TXLNA: variants seen among roughly 807,000 people sequenced by gnomAD.
The protein encoded by TXLNA is taxilin alpha.
Under a neutral mutation model 61.4 loss-of-function variants are expected in TXLNA, and 9 were observed. That is an observed-to-expected ratio of 0.15 (90% confidence interval 0.09 to 0.26). TXLNA has a LOEUF of 0.26. Among genes scored for constraint, TXLNA ranks in the 10% least tolerant of loss-of-function variants. The pLI is 1.00. For missense variants in TXLNA, 565 were observed against 688.8 expected (o/e 0.82, Z 2.01); for synonymous variants, 257 against 267.7 (o/e 0.96, Z 0.39).
At position 32,180,402 on chromosome 1, in the gene TXLNA, C is replaced by G. The variant is rs576996008; in HGVS notation, c.57C>G (p.Ser19Arg). ...CCAAACAATCCAATCCAAAAAGCAG[C>G]CCAGGACAACCGGAAGCAGGACCCG... ...GAAKQSNPKS[S>R]PGQPEAGPEG... The change falls in exon 2 of 11, where the codon AGC becomes AGG. Residue 19 changes from serine to arginine, a missense_variant. Physicochemically the swap from Ser to Arg is moderately radical, Grantham distance 110 (BLOSUM62 -1). Coordinates refer to ENST00000373610, the MANE Select transcript of TXLNA (RefSeq NM_175852.4). 5.2e-5 allele frequency: 84 copies of G among 1,614,020 alleles called. No homozygotes were observed. The South Asian group carries it at 9.1e-4, about 18-fold the overall frequency.
chr1:32,195,465 G>A lies in TXLNA; in HGVS notation c.*270G>A. On this transcript the variant is annotated 3_prime_UTR_variant, in exon 11 of 11. Transcript: ENST00000373610. ...CAGATGAAGTCAGTGGCTTGTCTGT[G>A]AGCTGAAGAGTCTTGAGAGGGGCTG... is the stretch of plus-strand genomic sequence containing the variant. 1.8e-6 allele frequency: 1 copy of A among 557,430 alleles called. No homozygotes were observed. Among genetic ancestry groups the A allele is most frequent in the Non-Finnish European group, 3.2e-6 (1 of 311,382 alleles). 34.5% of individuals were successfully genotyped at this position (557,430 alleles called of 1,614,324 possible).
chr1:32,198,231 G>A lies in TXLNA; in HGVS notation c.*3036G>A, dbSNP rs1005630906. On this transcript the variant is annotated 3_prime_UTR_variant, in exon 11 of 11. Transcript: ENST00000373610. ...CTCCTTTGGGTATTCACAACAGCCA[G>A]GGACTTGATTTTGATGTATTTTAAA... 2.6e-5 allele frequency: 4 copies of A among 152,242 alleles called. No individual in the cohort carries two copies. The highest frequency in any genetic ancestry group is 2.0e-4 in the Admixed American group (3 of 15,284). The allele number at this position is 152,242 out of a possible 1,614,324, so 9.4% of individuals were successfully genotyped here. A position where few individuals can be genotyped will look rare whatever the true frequency, so the allele number is the denominator to read the frequency against.
At chr1:32,188,945 T>C (rs941558748) in intron 5 of TXLNA, among the ~76,000 whole-genome samples, 1 of 152,226 alleles carries the variant, frequency 6.6e-6, no homozygotes, top group African/African-American at 2.4e-5. Context: ...CAAGTTTAAA[T>C]ACAGCCTTTT....
chr1:32,193,298 A>G lies in TXLNA; in HGVS notation c.1249A>G (p.Lys417Glu). 6.2e-7 allele frequency: 1 copy of G among 1,611,892 alleles called. No homozygotes were observed. Residue 417 changes from lysine (K) to glutamate (E), a missense_variant and splice_region_variant, in exon 9 of 11, where the codon AAG (lysine) becomes GAG (glutamate). Lys to Glu is a moderately conservative substitution (Grantham distance 56). Around this residue, in one of 2 missense-constraint regions of TXLNA, gnomAD observed 373 missense variants for 504.0 expected, o/e 0.74. Transcript: ENST00000373610. ...CACCACATTCAAGCAGGAGATGGAA[A>G]AGGTAACTGTGGTCCAGGCCAGGCA... Reference protein sequence around the residue: ...VFTTFKQEMEKMTKKIKKLEK... With the variant: ...VFTTFKQEMEEMTKKIKKLEK...
At position 32,192,762 on chromosome 1, in the gene TXLNA, C is replaced by T. The variant is rs777471268; in HGVS notation, c.1158+31C>T. 1.7e-5 allele frequency: 28 copies of T among 1,611,748 alleles called. No homozygotes were observed. In the East Asian group the frequency reaches 2.5e-4, roughly 14 times the overall value. On this transcript the variant is annotated intron_variant, in intron 8 of 10. Coordinates refer to ENST00000373610, the MANE Select transcript of TXLNA (RefSeq NM_175852.4). The surrounding 1 kb of genome is among the most constrained non-coding windows in gnomAD (Gnocchi z 4.2). Reference sequence around the variant, plus strand: ...AGCATATAACCTGACCCTGTGCCTTCAAGTTTCCCTCACTGGGCCCCATCC... The same window carrying T: ...AGCATATAACCTGACCCTGTGCCTTTAAGTTTCCCTCACTGGGCCCCATCC...
At chr1:32,187,339 G>T (rs1013289337) in intron 4 of TXLNA, among the ~76,000 whole-genome samples, 2 of 152,062 alleles carry the variant, frequency 1.3e-5, no homozygotes, top group East Asian at 3.8e-4. Flanking sequence ...TACTTATGTG[G>T]TTTGCATTAT....
rs970316625 is a variant in TXLNA, at chr1:32,184,469, G to A, written c.506-56G>A. 12 of 1,193,036 alleles carry A rather than the reference G, an allele frequency of 1.0e-5. No homozygotes were observed. In the African/African-American group the frequency reaches 1.8e-4, roughly 18 times the overall value. 73.9% of individuals were successfully genotyped at this position (1,193,036 alleles called of 1,614,324 possible). A position where few individuals can be genotyped will look rare whatever the true frequency, so the allele number is the denominator to read the frequency against. On this transcript the variant is annotated intron_variant, in intron 3 of 10. Coordinates refer to ENST00000373610, the MANE Select transcript of TXLNA (RefSeq NM_175852.4). The stretch of plus-strand genomic sequence containing the variant: ...TCAGCACTCATGAGTGTGAGCCCAG[G>A]CCTGGAGGGGACACCTGGAGAAGAG...
rs1342013540 is a variant in TXLNA, at chr1:32,192,719, C to G, written c.1146C>G (p.His382Gln). Residue 382 changes from histidine (H) to glutamine (Q), a missense_variant, in exon 8 of 11, where the codon CAC (histidine) becomes CAG (glutamine). By Grantham distance (24) the His-to-Gln change is conservative. Coordinates refer to ENST00000373610, the MANE Select transcript of TXLNA (RefSeq NM_175852.4). The surrounding 1 kb of genome is among the most constrained non-coding windows in gnomAD (Gnocchi z 4.2). ...AGCTGATGAAGCAGCAAGAGACCCA[C>G]CTGAAGCAACAGGTGAGAGCATATA... Reference protein sequence around the residue: ...MCELMKQQETHLKQQLALYTE... With the variant: ...MCELMKQQETQLKQQLALYTE... 6.2e-7 allele frequency: 1 copy of G among 1,614,228 alleles called. No homozygotes were observed.
chr1:32,182,097 G>GGTTTTT (rs1642675960), intron 3 of TXLNA, among the ~76,000 whole-genome samples: 1 of 106,212 alleles, frequency 9.4e-6, no homozygotes, highest in African/African-American at 3.6e-5. Flanking sequence ...GTGCAGTCAG[G>GGTTTTT]CTTTTTTTTT....
rs1339069537 is a variant in TXLNA at position 32,197,864 on chromosome 1, C to G, written c.*2669C>G. ...TTCCATGAGGTTATCGGACCATGGG[C>G]TGAGCTCAGGCACTTTCTGTAGGAG... On this transcript the variant is annotated 3_prime_UTR_variant, in exon 11 of 11. Coordinates refer to ENST00000373610, the MANE Select transcript of TXLNA (RefSeq NM_175852.4). This position sits in a 1 kb window ranked among gnomAD's most constrained non-coding sequence, Gnocchi z 4.6. The G allele has an allele frequency of 2.0e-5, 3 of 152,204 alleles. No individual in the cohort carries two copies. The highest frequency in any genetic ancestry group is 2.0e-4 in the Admixed American group (3 of 15,290). The allele number at this position is 152,204 out of a possible 1,614,324, so 9.4% of individuals were successfully genotyped here.
chr1:32,186,428 C>G (rs1642791506), intron 4 of TXLNA, among the ~76,000 whole-genome samples: 1 of 151,624 alleles, frequency 6.6e-6, no homozygotes, highest in South Asian at 2.1e-4. Flanking sequence ...GTGTGAATAG[C>G]ATATGCATTG....
rs1642920800 is a variant in TXLNA, at chr1:32,192,194, T to TC, written c.964-115dup. The TC allele has an allele frequency of 2.4e-5, 35 of 1,441,946 alleles. 1 individual carries two copies. In the South Asian group the frequency reaches 4.5e-4, roughly 19 times the overall value. The allele number at this position is 1,441,946 out of a possible 1,614,324, so 89.3% of individuals were successfully genotyped here. ...CCATGTTGTGTGGTACACATGGGAG[T>TC]CCATCATATCAGATTGAGATGGGGG... On this transcript the variant is annotated intron_variant, in intron 6 of 10. Transcript: ENST00000373610. The surrounding 1 kb of genome is among the most constrained non-coding windows in gnomAD (Gnocchi z 4.2).
At chr1:32,180,944 C>T (rs1032014538) in intron 2 of TXLNA, among the ~76,000 whole-genome samples, 1 of 152,196 alleles carries the variant, frequency 6.6e-6, no homozygotes, top group Non-Finnish European at 1.5e-5. Context: ...CTTTTATGAT[C>T]TAACAAATAT....
chr1:32,186,843 G>A (rs1050683833), intron 4 of TXLNA, among the ~76,000 whole-genome samples: 32 of 152,212 alleles, frequency 2.1e-4, no homozygotes, highest in African/African-American at 7.0e-4. Context: ...TTGACATGTG[G>A]CCAGTTTGAA....
In TXLNA at chr1:32,192,203, T is replaced by C; in HGVS notation, c.964-108T>C. 6.7e-7 allele frequency: 1 copy of C among 1,502,248 alleles called. No individual in the cohort carries two copies. Among genetic ancestry groups the C allele is most frequent in the South Asian group, 1.3e-5 (1 of 79,980 alleles). The allele number at this position is 1,502,248 out of a possible 1,614,324, so 93.1% of individuals were successfully genotyped here. ...GTGGTACACATGGGAGTCCATCATA[T>C]CAGATTGAGATGGGGGGCTGGGCAA... On this transcript the variant is annotated intron_variant, in intron 6 of 10. Transcript: ENST00000373610. The surrounding 1 kb of genome is among the most constrained non-coding windows in gnomAD (Gnocchi z 4.2).
At chr1:32,193,749 G>T (rs1213540440) in intron 9 of TXLNA, among the ~76,000 whole-genome samples, 1 of 151,642 alleles carries the variant, frequency 6.6e-6, no homozygotes, top group Non-Finnish European at 1.5e-5. Context: ...TAGAGACGGG[G>T]TTTCACCATG....
In TXLNA at chr1:32,181,268, G is replaced by A. The variant is rs1366172028; in HGVS notation, c.196G>A (p.Gly66Arg). The A allele has an allele frequency of 1.2e-6, 2 of 1,606,550 alleles. No individual in the cohort carries two copies. Among genetic ancestry groups the A allele is most frequent in the South Asian group, 2.2e-5 (2 of 90,356 alleles). ...EGAQARTAQS[G>R]ALRDVSEELS... is the part of the protein sequence containing the mutation. Reference sequence around the variant, plus strand: ...GGCTCAAGCCAGAACGGCTCAGTCTGGGGCCCTTCGTGATGTCTCTGAGGA... The same window carrying A: ...GGCTCAAGCCAGAACGGCTCAGTCTAGGGCCCTTCGTGATGTCTCTGAGGA... The change falls in exon 3 of 11, where the codon GGG (glycine) becomes AGG (arginine). Residue 66 changes from glycine to arginine, a missense_variant. Gly to Arg is a moderately radical substitution (Grantham distance 125). Coordinates refer to ENST00000373610, the MANE Select transcript of TXLNA (RefSeq NM_175852.4).
In TXLNA at chr1:32,190,071, G is replaced by A. The variant is rs771671105; in HGVS notation, c.785G>A (p.Arg262Gln). 22 of 1,578,024 alleles carry A rather than the reference G, an allele frequency of 1.4e-5. No homozygotes were observed. The highest frequency in any genetic ancestry group is 8.0e-5 in the African/African-American group (6 of 74,550). ...NRSLKEEGVQ[R>Q]AREEEEKRKE... ...TTTGCCCAGGAAGAAGGTGTGCAGC[G>A]GGCCCGGGAGGAGGAGGAGAAGCGC... is the stretch of plus-strand genomic sequence containing the variant. The change falls in exon 6 of 11, where the codon CGG (arginine) becomes CAG (glutamine). Residue 262 changes from arginine to glutamine, a missense_variant. Arg to Gln is a conservative substitution (Grantham distance 43). Transcript: ENST00000373610.
chr1:32,182,342 G>A (rs1038661643), intron 3 of TXLNA, among the ~76,000 whole-genome samples: 1 of 152,074 alleles, frequency 6.6e-6, no homozygotes, highest in Non-Finnish European at 1.5e-5. Context: ...GGCAGTGACA[G>A]TCATTTTACA....
Sources: allele counts gnomAD v4.1 joint callset (sites outside exome capture counted in the v4.1 genomes callset), GRCh38; gene constraint gnomAD v4.1.1; regional missense constraint gnomAD v4.1.1; non-coding constraint Gnocchi (gnomAD v3.1); transcripts MANE v1.5; gene names NCBI Gene and HGNC (gene_info 2026-07-23, HGNC 2026-07-21).